DEAF1: variants seen among roughly 807,000 people sequenced by gnomAD.
DEAF1 encodes DEAF1 transcription factor.
In DEAF1, 53 loss-of-function variants were observed where a neutral mutation model predicts 58.9. That is an observed-to-expected ratio of 0.90 (90% CI 0.72 to 1.13). The LOEUF is 1.13. Among genes scored for constraint, DEAF1 ranks in the 50% most tolerant of loss-of-function variants. The probability of loss-of-function intolerance (pLI) is 0.00; values close to 1 mark genes in which losing one functional copy is unlikely to be tolerated. For missense variants in DEAF1, 685 were observed against 791.4 expected (o/e 0.87, Z 1.61); for synonymous variants, 385 against 340.4 (o/e 1.13, Z -1.44).
intron 9 of DEAF1, chr11:678,369 G>A (rs781627494): frequency 1.5e-4 from 56 of 369,230 alleles, no homozygotes; most frequent in Non-Finnish European, 2.6e-4. Context: ...ACCTGCCACT[G>A]GGGAGTGTCT....
At chr11:699,934 C>A, upstream of DEAF1, 1 of 554,716 alleles carries the variant, frequency 1.8e-6, no homozygotes, top group Non-Finnish European at 3.2e-6. Flanking sequence ...GAGGGGGGTC[C>A]CACAAAGGCC....
intron 9 of DEAF1, among the ~76,000 whole-genome samples, chr11:677,120 C>T (rs1860117703): frequency 6.7e-6 from 1 of 149,598 alleles, no homozygotes; most frequent in South Asian, 2.1e-4. Context: ...CAACACCCAC[C>T]CCACACTTTT....
intron 10 of DEAF1, among the ~76,000 whole-genome samples, chr11:661,080 T>C (rs1197469748): frequency 1.3e-5 from 2 of 152,196 alleles, no homozygotes; most frequent in African/African-American, 2.4e-5. Context: ...TGCTGTACTA[T>C]ATTTAACACT....
chr11:671,227 CTT>C (rs1164136716), intron 10 of DEAF1, among the ~76,000 whole-genome samples: 2 of 149,912 alleles, frequency 1.3e-5, no homozygotes, highest in African/African-American at 4.9e-5. Flanking sequence ...CGCGCCTGGA[CTT>C]TTTGTTTTTT....
At chr11:692,489 G>A (rs1184976878) in intron 1 of DEAF1, 1 of 153,092 alleles carries the variant, frequency 6.5e-6, no homozygotes, top group Non-Finnish European at 1.5e-5. Context: ...CACAGCAGAT[G>A]CTTAAAAGAT....
intron 1 of DEAF1, chr11:704,036 G>C: frequency 8.4e-7 from 1 of 1,188,342 alleles, no homozygotes; most frequent in Non-Finnish European, 1.0e-6. Context: ...ATTCTATTGT[G>C]TGTTTTCTAT....
intron 1 of DEAF1, among the ~76,000 whole-genome samples, chr11:702,278 C>T (rs1386782033): frequency 6.6e-6 from 1 of 152,262 alleles, no homozygotes; most frequent in Admixed American, 6.5e-5. Context: ...GAGCTTGCCC[C>T]CCAGGGCGGG....
chr11:667,338 A>T (rs1859588223), intron 10 of DEAF1, among the ~76,000 whole-genome samples: 1 of 133,666 alleles, frequency 7.5e-6, no homozygotes, highest in Non-Finnish European at 1.6e-5. Flanking sequence ...AGAAAAAAGA[A>T]GGAAGGAAGG....
chr11:670,441 G>A (rs1479235543), intron 10 of DEAF1, among the ~76,000 whole-genome samples: 3 of 148,884 alleles, frequency 2.0e-5, no homozygotes, highest in Non-Finnish European at 4.4e-5. Context: ...TTGGCCAGGT[G>A]CGGTGGCTCA....
At chr11:650,683 T>C (rs1478383153) in intron 11 of DEAF1, among the ~76,000 whole-genome samples, 3 of 151,784 alleles carry the variant, frequency 2.0e-5, no homozygotes, top group African/African-American at 2.4e-5. Context: ...CTGGGCGCAG[T>C]GACTCATGCC....
At chr11:698,962 C>T, upstream of DEAF1, 4 of 1,583,162 alleles carry the variant, frequency 2.5e-6, no homozygotes, top group Non-Finnish European at 3.5e-6. Context: ...CACTCGGCCT[C>T]ACCCCACGTT....
rs369913665 is a variant in DEAF1, at chr11:688,410, C to G, written c.438G>C (p.Ala146=). 3.1e-6 allele frequency: 5 copies of G among 1,613,966 alleles called. No homozygotes were observed. The highest frequency in any genetic ancestry group is 4.2e-6 in the Non-Finnish European group (5 of 1,180,040). The change falls in exon 3 of 12, where the codon GCG becomes GCC. Residue 146 remains alanine (A), a synonymous_variant. Coordinates refer to ENST00000382409, the MANE Select transcript of DEAF1 (RefSeq NM_021008.4). This position sits in a 1 kb window ranked among gnomAD's most constrained non-coding sequence, Gnocchi z 4.3. ...QIGDSLNTEK[A]TLIVVHTDGS... is the part of the protein sequence containing the mutation. ...CATCTGTGTGGACGACAATCAGTGTCGCTTTTTCGGTGTTCAGGCTGTCCC... is the reference window on the plus strand; with the variant it reads ...CATCTGTGTGGACGACAATCAGTGTGGCTTTTTCGGTGTTCAGGCTGTCCC...
At chr11:704,367 G>GTGGCA in intron 1 of DEAF1, 1 of 1,064,550 alleles carries the variant, frequency 9.4e-7, no homozygotes, top group Non-Finnish European at 1.3e-6. Context: ...AGTCTTTCCT[G>GTGGCA]CCTGTCTTCG....
At position 674,710 on chromosome 11, in the gene DEAF1, A is replaced by G. The variant is rs1476785555; in HGVS notation, c.1329T>C (p.Asn443=). ...TCCGCGGCTCTGACAGCTCCAGCCC[A>G]TTGACCAACGCGGGAGGTGCCGCTT... ...PTKAAPPALV[N]GLELSEPRSW... Residue 443 remains asparagine, a synonymous_variant, in exon 10 of 12, where the codon AAT becomes AAC. Transcript: ENST00000382409. The G allele has an allele frequency of 1.2e-6, 2 of 1,613,932 alleles. No homozygotes were observed. Among genetic ancestry groups the G allele is most frequent in the Non-Finnish European group, 1.7e-6 (2 of 1,180,036 alleles).
chr11:676,648 G>A (rs1191075245), intron 9 of DEAF1, among the ~76,000 whole-genome samples: 1 of 151,986 alleles, frequency 6.6e-6, no homozygotes, highest in Admixed American at 6.6e-5. Flanking sequence ...GGGATTACAG[G>A]CATCTGCCAC....
intron 8 of DEAF1, among the ~76,000 whole-genome samples, chr11:679,322 A>G (rs1231028416): frequency 1.3e-5 from 2 of 152,014 alleles, no homozygotes; most frequent in South Asian, 4.2e-4. Flanking sequence ...CTCAAAAAAA[A>G]AAAAAAATCA....
chr11:687,147 G>A (rs1860629190), intron 4 of DEAF1, 150 bp from the exon 5 acceptor site: 1 of 1,150,520 alleles, frequency 8.7e-7, no homozygotes, highest in Non-Finnish European at 1.3e-6. Context: ...GGCCCTGACA[G>A]GTCCACCACG....
At chr11:657,141 ACTCT>A (rs1265260470) in intron 10 of DEAF1, among the ~76,000 whole-genome samples, 1 of 151,592 alleles carries the variant, frequency 6.6e-6, no homozygotes, top group East Asian at 1.9e-4. Context: ...CCCAGGCCTC[ACTCT>A]CTAAGACTTC....
intron 9 of DEAF1, among the ~76,000 whole-genome samples, chr11:675,692 C>T (rs768751159): frequency 4.3e-4 from 65 of 152,052 alleles, no homozygotes; most frequent in Non-Finnish European, 3.7e-4. Context: ...GGCGTGGAAG[C>T]GTCTATAATC....
Sources: allele counts gnomAD v4.1 joint callset (sites outside exome capture counted in the v4.1 genomes callset), GRCh38; gene constraint gnomAD v4.1.1; non-coding constraint Gnocchi (gnomAD v3.1); transcripts MANE v1.5; gene names NCBI Gene and HGNC (gene_info 2026-07-23, HGNC 2026-07-21).